The following ENTREP2 variants were observed in gnomAD, a reference collection of about 807,000 sequenced individuals.
ENTREP2 encodes protein ENTREP2.
At chr15:29,503,139 A>G in the ENTREP2 span, among the ~76,000 whole-genome samples, 2,060 of 152,256 alleles carry the variant, frequency 0.014, 41 homozygotes, top group African/African-American at 0.047. Context: ...CACAAAATCC[A>G]GTACACTAAA....
chr15:29,381,698 CA>C, the ENTREP2 span: 6 of 1,238,604 alleles, frequency 4.8e-6, no homozygotes, highest in Non-Finnish European at 4.6e-6. Flanking sequence ...TTCTCTTCGC[CA>C]CTGCCTCCAA....
the ENTREP2 span, among the ~76,000 whole-genome samples, chr15:29,589,588 G>A: frequency 6.6e-6 from 1 of 152,182 alleles, no homozygotes; most frequent in Non-Finnish European, 1.5e-5. Flanking sequence ...AGGAAACTGT[G>A]GCCATGAACA....
At chr15:29,407,577 T>C in the ENTREP2 span, among the ~76,000 whole-genome samples, 2 of 152,106 alleles carry the variant, frequency 1.3e-5, no homozygotes, top group Non-Finnish European at 2.9e-5. Flanking sequence ...GGAGCCATAG[T>C]GCACCAGGCC....
the ENTREP2 span, among the ~76,000 whole-genome samples, chr15:29,274,070 G>A: frequency 9.6e-4 from 146 of 152,144 alleles, no homozygotes; most frequent in African/African-American, 3.1e-3. Flanking sequence ...AATACAGTAT[G>A]TATCTATGCA....
chr15:29,123,951 G>C, the ENTREP2 span, among the ~76,000 whole-genome samples: 2 of 152,196 alleles, frequency 1.3e-5, no homozygotes, highest in Non-Finnish European at 2.9e-5. Flanking sequence ...CACAGGGGCT[G>C]GTCCTTCCCA....
chr15:29,490,867 G>A, the ENTREP2 span, among the ~76,000 whole-genome samples: 30 of 152,328 alleles, frequency 2.0e-4, 1 homozygote, highest in East Asian at 4.3e-3. Flanking sequence ...CACTCCAGGC[G>A]CCTGCTCTCC....
At chr15:29,220,624 G>A in the ENTREP2 span, among the ~76,000 whole-genome samples, 3 of 152,116 alleles carry the variant, frequency 2.0e-5, no homozygotes, top group African/African-American at 7.2e-5. Context: ...AACTTACATC[G>A]AAAAATATAT....
the ENTREP2 span, among the ~76,000 whole-genome samples, chr15:29,509,066 A>T: frequency 6.6e-6 from 1 of 152,234 alleles, no homozygotes; most frequent in South Asian, 2.1e-4. Context: ...CAGGATACAA[A>T]ATCAATATGC....
chr15:29,649,057 T>TGTACACACACAC, the ENTREP2 span, among the ~76,000 whole-genome samples: 16 of 144,972 alleles, frequency 1.1e-4, no homozygotes, highest in Admixed American at 9.1e-4. Flanking sequence ...GGGACACATG[T>TGTACACACACAC]ACACACACAC....
At chr15:29,496,941 G>A in the ENTREP2 span, among the ~76,000 whole-genome samples, 6 of 152,146 alleles carry the variant, frequency 3.9e-5, no homozygotes, top group African/African-American at 1.4e-4. Context: ...GTTCCTTCTT[G>A]CTATGGTTTG....
chr15:29,118,279 G>C, the ENTREP2 span: 3 of 152,476 alleles, frequency 2.0e-5, no homozygotes, highest in African/African-American at 7.2e-5. Flanking sequence ...GGAAGACTTC[G>C]CGCATATCAC....
the ENTREP2 span, among the ~76,000 whole-genome samples, chr15:29,190,242 T>G: frequency 6.6e-6 from 1 of 152,074 alleles, no homozygotes; most frequent in Admixed American, 6.5e-5. Flanking sequence ...TGTGGTGTGG[T>G]GGAGTTCCAG....
the ENTREP2 span, among the ~76,000 whole-genome samples, chr15:29,587,897 G>T: frequency 4.6e-5 from 7 of 152,256 alleles, no homozygotes; most frequent in East Asian, 7.7e-4. Context: ...AATCTCAAGT[G>T]ATCTGCCTGC....
the ENTREP2 span, among the ~76,000 whole-genome samples, chr15:29,144,262 A>T: frequency 6.6e-6 from 1 of 152,228 alleles, no homozygotes; most frequent in Non-Finnish European, 1.5e-5. Context: ...TACTGAACCC[A>T]TTTTACTTTA....
the ENTREP2 span, among the ~76,000 whole-genome samples, chr15:29,297,481 T>C: frequency 3.3e-5 from 5 of 152,308 alleles, no homozygotes; most frequent in Non-Finnish European, 7.4e-5. Context: ...TAGTACCATC[T>C]CTATATCAAA....
chr15:29,481,331 C>G, the ENTREP2 span, among the ~76,000 whole-genome samples: 1 of 152,176 alleles, frequency 6.6e-6, no homozygotes, highest in Non-Finnish European at 1.5e-5. Context: ...GCATTTCTAA[C>G]AGACTCCCAG....
the ENTREP2 span, among the ~76,000 whole-genome samples, chr15:29,417,281 G>A: frequency 1.3e-5 from 2 of 152,194 alleles, no homozygotes; most frequent in Admixed American, 6.5e-5. Flanking sequence ...TTAAGAAAAT[G>A]TGGCACATAT....
chr15:29,142,894 CTT>C, the ENTREP2 span, among the ~76,000 whole-genome samples: 1 of 152,138 alleles, frequency 6.6e-6, no homozygotes. Flanking sequence ...ATTACAGACA[CTT>C]AAATGATCAA....
chr15:29,594,660 T>TA, the ENTREP2 span, among the ~76,000 whole-genome samples: 1 of 152,120 alleles, frequency 6.6e-6, no homozygotes, highest in African/African-American at 2.4e-5. Flanking sequence ...ATTTGCTTTT[T>TA]AAAAAATAAA....
Sources: allele counts gnomAD v4.1 joint callset (sites outside exome capture counted in the v4.1 genomes callset), GRCh38; gene constraint gnomAD v4.1.1; transcripts MANE v1.5; gene names NCBI Gene and HGNC (gene_info 2026-07-23, HGNC 2026-07-21).